GRM8: variants seen among roughly 807,000 people sequenced by gnomAD.
The protein encoded by GRM8 is metabotropic glutamate receptor 8.
Under a neutral mutation model 87.2 loss-of-function variants are expected in GRM8, and 47 were observed. The observed-to-expected ratio is 0.54, with a 90% CI of 0.43 to 0.69. The LOEUF is 0.69. Among genes scored for constraint, GRM8 ranks in the 30% least tolerant of loss-of-function variants. The probability of loss-of-function intolerance (pLI) is 0.00; values close to 1 mark genes in which losing one functional copy is unlikely to be tolerated. For synonymous variants in GRM8, 396 were observed against 404.5 expected, an observed-to-expected ratio of 0.98 and a Z score of 0.25; for missense variants, 1,019 against 1,139.2, an observed-to-expected ratio of 0.89 and a Z score of 1.52.
intron 8 of GRM8, among the ~76,000 whole-genome samples, chr7:126,535,501 A>G (rs1222031552): frequency 6.6e-6 from 1 of 152,226 alleles, no homozygotes; most frequent in African/African-American, 2.4e-5. Flanking sequence ...GTTCCTGCAG[A>G]GCAGGAGCAG....
intron 6 of GRM8, among the ~76,000 whole-genome samples, chr7:126,797,799 A>G (rs997552793): frequency 1.2e-4 from 18 of 152,118 alleles, no homozygotes; most frequent in Non-Finnish European, 2.5e-4. Flanking sequence ...TGTGTAAAAC[A>G]ACAAAGGAAC....
intron 3 of GRM8, among the ~76,000 whole-genome samples, chr7:127,060,130 C>A (rs1820462609): frequency 6.6e-6 from 1 of 152,182 alleles, no homozygotes. Flanking sequence ...TAAAAGACTT[C>A]ATCTTTCTGA....
intron 8 of GRM8, among the ~76,000 whole-genome samples, chr7:126,564,924 G>A (rs928579809): frequency 1.3e-5 from 2 of 152,160 alleles, no homozygotes; most frequent in African/African-American, 2.4e-5. Context: ...GGCAACATAT[G>A]AAAATCAATT....
intron 9 of GRM8, among the ~76,000 whole-genome samples, chr7:126,523,801 C>A (rs1018311191): frequency 6.6e-6 from 1 of 151,640 alleles, no homozygotes; most frequent in Non-Finnish European, 1.5e-5. Context: ...CCGGCCAGAC[C>A]CCTCAATTTT....
intron 3 of GRM8, among the ~76,000 whole-genome samples, chr7:126,979,705 A>G (rs991201483): frequency 2.6e-5 from 4 of 152,212 alleles, no homozygotes; most frequent in Admixed American, 1.3e-4. Context: ...TTGGACCCAA[A>G]CACCTCTCTG....
intron 7 of GRM8, among the ~76,000 whole-genome samples, chr7:126,610,356 A>AT (rs536968538): frequency 1.3e-5 from 2 of 151,824 alleles, no homozygotes; most frequent in East Asian, 1.9e-4. Flanking sequence ...GCTTCTCTAC[A>AT]TTTTTTTATT....
chr7:127,140,892 T>A (rs1828224223), intron 2 of GRM8, among the ~76,000 whole-genome samples: 1 of 151,860 alleles, frequency 6.6e-6, no homozygotes, highest in African/African-American at 2.4e-5. Context: ...GTAAGTTGTG[T>A]TTTTTTCCCT....
chr7:126,826,898 G>A (rs1341302218), intron 6 of GRM8, among the ~76,000 whole-genome samples: 1 of 152,200 alleles, frequency 6.6e-6, no homozygotes, highest in Non-Finnish European at 1.5e-5. Flanking sequence ...TGCATAAGGT[G>A]TAAGGAAGGG....
chr7:127,001,437 A>T (rs985101334), intron 3 of GRM8, among the ~76,000 whole-genome samples: 7 of 151,676 alleles, frequency 4.6e-5, no homozygotes, highest in African/African-American at 9.7e-5. Flanking sequence ...AAGAGGACAA[A>T]AACTCATTTA....
intron 9 of GRM8, among the ~76,000 whole-genome samples, chr7:126,460,535 A>T (rs1462560972): frequency 6.6e-6 from 1 of 151,642 alleles, no homozygotes; most frequent in African/African-American, 2.4e-5. Context: ...ACTCTAGACC[A>T]CAGACAAAAA....
intron 7 of GRM8, among the ~76,000 whole-genome samples, chr7:126,612,525 T>C (rs1350550422): frequency 6.6e-6 from 1 of 152,206 alleles, no homozygotes; most frequent in Non-Finnish European, 1.5e-5. Context: ...CACCTCTTTA[T>C]GTCCTAACAT....
chr7:126,466,269 G>T (rs931299335), intron 9 of GRM8, among the ~76,000 whole-genome samples: 1 of 151,782 alleles, frequency 6.6e-6, no homozygotes, highest in African/African-American at 2.4e-5. Flanking sequence ...TTATTAATAG[G>T]ATATAAGAGA....
chr7:126,890,727 A>G (rs2255963), intron 6 of GRM8, among the ~76,000 whole-genome samples: 118,189 of 152,016 alleles, frequency 0.78, 46,388 homozygotes, highest in East Asian at 0.97. Context: ...AGAGACACAA[A>G]GGAGAGGATC....
intron 6 of GRM8, among the ~76,000 whole-genome samples, chr7:126,813,164 A>T (rs1483520631): frequency 2.6e-5 from 4 of 152,118 alleles, no homozygotes; most frequent in Non-Finnish European, 5.9e-5. Flanking sequence ...TTAAAAGTTT[A>T]AAAAAAGAAA....
chr7:126,786,416 GC>G (rs1475338047), intron 6 of GRM8, among the ~76,000 whole-genome samples: 2 of 152,048 alleles, frequency 1.3e-5, no homozygotes, highest in Non-Finnish European at 2.9e-5. Context: ...AATTCATCTT[GC>G]TTTCCTATCT....
At chr7:126,733,517 G>A (rs1483084357) in intron 7 of GRM8, among the ~76,000 whole-genome samples, 1 of 150,118 alleles carries the variant, frequency 6.7e-6, no homozygotes, top group Admixed American at 6.7e-5. Flanking sequence ...AAATATTAAT[G>A]CAAAAAGTTC....
chr7:126,920,401 G>C (rs1168969201), intron 3 of GRM8, among the ~76,000 whole-genome samples: 1 of 152,166 alleles, frequency 6.6e-6, no homozygotes, highest in Non-Finnish European at 1.5e-5. Context: ...GAAAAGAGGA[G>C]AGAAATGTCA....
At chr7:126,835,151 T>C (rs1795731225) in intron 6 of GRM8, among the ~76,000 whole-genome samples, 1 of 152,028 alleles carries the variant, frequency 6.6e-6, no homozygotes, top group Non-Finnish European at 1.5e-5. Context: ...AAAATTACTT[T>C]TACCATGTAG....
At chr7:126,503,190 A>G (rs1001197888) in intron 9 of GRM8, among the ~76,000 whole-genome samples, 2 of 151,948 alleles carry the variant, frequency 1.3e-5, no homozygotes, top group Admixed American at 1.3e-4. Context: ...ATCTGGGGGA[A>G]TGAGGCTCAC....
Sources: gnomAD v4.1 joint callset for allele counts (sites outside exome capture counted in the v4.1 genomes callset) on GRCh38, gnomAD v4.1.1 for gene constraint, MANE v1.5 for transcripts, NCBI Gene and HGNC (gene_info 2026-07-23, HGNC 2026-07-21) for gene names.